EMID1: variants seen among roughly 807,000 people sequenced by gnomAD.
EMID1 encodes EMI domain containing 1, also known as EMI domain-containing protein 1.
Under a neutral mutation model 60.6 loss-of-function variants are expected in EMID1, and 40 were observed. The ratio of observed to expected loss-of-function variants is 0.66; its 90% confidence interval spans 0.51 to 0.86. The LOEUF (loss-of-function observed/expected upper bound fraction) is 0.86, where lower values mean the gene tolerates loss of function less well. EMID1 is among the 40% of genes least tolerant of loss of function. The pLI is 0.00. For missense variants in EMID1, 585 were observed against 597.1 expected (o/e 0.98, Z 0.21); for synonymous variants, 242 against 231.0 (o/e 1.05, Z -0.43).
In EMID1 at chr22:29,250,733, A is replaced by ATTTTTTTTTTTTT. The variant is rs748172215; in HGVS notation, c.1120-3447_1120-3435dup. ...AGGCATGCACCACCACACCCGGCTA[A>ATTTTTTTTTTTTT]TTTTTTTTTTTTTTTTTTTTTTTTT... On this transcript the variant is annotated intron_variant, in intron 13 of 14. Coordinates refer to ENST00000334018, the MANE Select transcript of EMID1 (RefSeq NM_133455.4). Among the ~76,000 whole-genome samples the ATTTTTTTTTTTTT allele has an allele frequency of 2.7e-3, 60 of 22,484 alleles. 12 individuals carry two copies. Among genetic ancestry groups the ATTTTTTTTTTTTT allele is most frequent in the Non-Finnish European group, 3.9e-3 (43 of 11,146 alleles). 14.8% of individuals were successfully genotyped at this position (22,484 alleles called of 152,430 possible).
intron 14 of EMID1, among the ~76,000 whole-genome samples, chr22:29,256,419 G>A (rs940414869): frequency 5.6e-5 from 8 of 142,230 alleles, no homozygotes; most frequent in South Asian, 2.2e-4. Context: ...AGCCGAGACC[G>A]CACCACTGTA....
At chr22:29,253,891 G>A (rs2041610148) in intron 13 of EMID1, 3 of 985,314 alleles carry the variant, frequency 3.0e-6, no homozygotes, top group African/African-American at 3.5e-5. Context: ...TTCTGGGACT[G>A]CCGTTCTGCC....
intron 3 of EMID1, among the ~76,000 whole-genome samples, chr22:29,220,288 G>C (rs920009891): frequency 3.3e-5 from 5 of 152,110 alleles, no homozygotes; most frequent in Non-Finnish European, 7.4e-5. Flanking sequence ...TGCCTGGCAC[G>C]GGCCATGTAT....
chr22:29,256,158 T>C (rs944774657), intron 14 of EMID1, among the ~76,000 whole-genome samples: 1 of 152,112 alleles, frequency 6.6e-6, no homozygotes, highest in Non-Finnish European at 1.5e-5. Flanking sequence ...CTCCATATCA[T>C]GTCCAACCTC....
chr22:29,208,644 C>T (rs2039768364), intron 1 of EMID1, among the ~76,000 whole-genome samples: 1 of 152,218 alleles, frequency 6.6e-6, no homozygotes, highest in South Asian at 2.1e-4. Context: ...CCAGCTGATG[C>T]CCACAGGGGT....
intron 7 of EMID1, 134 bp downstream of exon 7, chr22:29,231,816 C>T (rs2040759838): frequency 2.5e-5 from 21 of 849,588 alleles, no homozygotes; most frequent in Non-Finnish European, 3.1e-5. Context: ...CACCCCACCA[C>T]GGAGTGCCCT....
intron 3 of EMID1, among the ~76,000 whole-genome samples, chr22:29,224,240 C>G (rs2040410182): frequency 6.6e-6 from 1 of 152,240 alleles, no homozygotes; most frequent in African/African-American, 2.4e-5. Flanking sequence ...CACAGCCCCG[C>G]TCCGAGCTGC....
chr22:29,255,388 C>T, intron 14 of EMID1: 1 of 1,411,056 alleles, frequency 7.1e-7, no homozygotes, highest in African/African-American at 1.4e-5. Context: ...CAGGCAGGGG[C>T]AGCCTCTTCC....
chr22:29,256,960 G>A (rs2041728355), intron 14 of EMID1, among the ~76,000 whole-genome samples: 1 of 152,174 alleles, frequency 6.6e-6, no homozygotes, highest in Non-Finnish European at 1.5e-5. Context: ...CCCTCTTACA[G>A]AGAGGGGCCA....
chr22:29,234,789 C>T (rs1007209940), intron 12 of EMID1, among the ~76,000 whole-genome samples: 3 of 152,000 alleles, frequency 2.0e-5, no homozygotes, highest in Admixed American at 2.0e-4. Flanking sequence ...TGCCTTGAAT[C>T]GACTTTGTGT....
intron 5 of EMID1, among the ~76,000 whole-genome samples, chr22:29,227,581 C>G (rs961956673): frequency 1.3e-5 from 2 of 151,226 alleles, no homozygotes; most frequent in Non-Finnish European, 2.9e-5. Context: ...GGCACACACC[C>G]ATAATCCCAG....
intron 1 of EMID1, 137 bp from the exon 2 acceptor site, chr22:29,214,789 T>A: frequency 1.8e-6 from 1 of 545,534 alleles, no homozygotes; most frequent in East Asian, 3.0e-5. Context: ...CAAATGACTT[T>A]GCAAGCTCAG....
chr22:29,257,263 T>G (rs924530943), intron 14 of EMID1, among the ~76,000 whole-genome samples: 1 of 152,126 alleles, frequency 6.6e-6, no homozygotes, highest in African/African-American at 2.4e-5. Context: ...TGGCGCAACA[T>G]ACACATCAGG....
At chr22:29,233,715 A>G in intron 10 of EMID1, 49 bp downstream of exon 10, 1 of 1,548,524 alleles carries the variant, frequency 6.5e-7, no homozygotes, top group Non-Finnish European at 8.9e-7. Flanking sequence ...CCATCTTTCC[A>G]TCTATGCATA....
At chr22:29,254,032 C>G (rs1208506123) in intron 13 of EMID1, 171 bp from the exon 14 acceptor site, 1 of 985,310 alleles carries the variant, frequency 1.0e-6, no homozygotes, top group Non-Finnish European at 1.2e-6. Context: ...GCCTTGTTGT[C>G]CCCCTCCTGT....
chr22:29,224,872 G>A (rs1324370798), intron 3 of EMID1, among the ~76,000 whole-genome samples: 3 of 152,118 alleles, frequency 2.0e-5, no homozygotes, highest in Non-Finnish European at 4.4e-5. Context: ...GAGGCTGGTT[G>A]GGGTCATTGG....
intron 13 of EMID1, among the ~76,000 whole-genome samples, chr22:29,251,240 C>T (rs1404819651): frequency 6.6e-6 from 1 of 151,800 alleles, no homozygotes; most frequent in Non-Finnish European, 1.5e-5. Context: ...CACCACCATG[C>T]CTGGCTAATT....
chr22:29,216,224 C>T (rs1268607509), intron 3 of EMID1: 1 of 853,880 alleles, frequency 1.2e-6, no homozygotes, highest in Non-Finnish European at 1.4e-6. Flanking sequence ...CTCTGGGTGG[C>T]TCAGGGCTGA....
chr22:29,240,903 C>T (rs896615892), intron 12 of EMID1, among the ~76,000 whole-genome samples: 15 of 152,156 alleles, frequency 9.9e-5, no homozygotes, highest in East Asian at 3.9e-4. Context: ...GTGTTGGGTC[C>T]GATCACTCCA....
Sources: gnomAD v4.1 joint callset for allele counts (sites outside exome capture counted in the v4.1 genomes callset) on GRCh38, gnomAD v4.1.1 for gene constraint, MANE v1.5 for transcripts, NCBI Gene and HGNC (gene_info 2026-07-23, HGNC 2026-07-21) for gene names.